PLPPR1: variants seen among roughly 807,000 people sequenced by gnomAD.
PLPPR1 encodes the protein phospholipid phosphatase-related protein type 1.
Under a neutral mutation model 33.1 loss-of-function variants are expected in PLPPR1, and 10 were observed. That is an observed-to-expected ratio of 0.30 (90% confidence interval 0.19 to 0.51). PLPPR1 has a LOEUF of 0.51. PLPPR1 is among the 20% of genes least tolerant of loss of function. The pLI, the probability that PLPPR1 is intolerant of heterozygous loss-of-function variation, is 0.97. For synonymous variants in PLPPR1, 151 were observed against 151.0 expected, an observed-to-expected ratio of 1.00 and a Z score of 0.00; for missense variants, 304 against 408.1, an observed-to-expected ratio of 0.74 and a Z score of 2.20.
intron 2 of PLPPR1, among the ~76,000 whole-genome samples, chr9:101,261,683 C>A (rs1375425249): frequency 2.0e-5 from 3 of 152,110 alleles, no homozygotes; most frequent in Admixed American, 2.0e-4. Context: ...AGAATGAGAT[C>A]ATGTCCTTCG....
intron 1 of PLPPR1, among the ~76,000 whole-genome samples, chr9:101,153,193 CTCTG>C (rs991985671): frequency 2.5e-4 from 38 of 152,110 alleles, no homozygotes; most frequent in African/African-American, 6.0e-4. Flanking sequence ...TGATTTGGCT[CTCTG>C]TCTGTTACTG....
chr9:101,267,674 A>T (rs749620580), intron 2 of PLPPR1, among the ~76,000 whole-genome samples: 11 of 152,236 alleles, frequency 7.2e-5, no homozygotes, highest in Non-Finnish European at 1.3e-4. Flanking sequence ...ATGTAGCTAA[A>T]AGGTAAACAC....
chr9:101,076,327 A>G (rs1180814440), intron 1 of PLPPR1, among the ~76,000 whole-genome samples: 1 of 152,134 alleles, frequency 6.6e-6, no homozygotes, highest in Non-Finnish European at 1.5e-5. Flanking sequence ...GACTGAAATA[A>G]TGTGACTCTG....
Position 101,237,979 on chromosome 9 carries a change from C to CTATATATATATATA in PLPPR1, c.64-31889_64-31876dup, listed in dbSNP as rs367867610. ...TACACACACACACAGGCTATATAGCCTATATATATATATATATATATATAT... is the reference window on the plus strand; with the variant it reads ...TACACACACACACAGGCTATATAGCCTATATATATATATATATATATATATATATATATATATAT... On this transcript the variant is annotated intron_variant, in intron 2 of 7. Coordinates refer to ENST00000374874, the MANE Select transcript of PLPPR1 (RefSeq NM_207299.2). 4.2e-3 allele frequency among the ~76,000 whole-genome samples: 337 copies of CTATATATATATATA among 79,356 alleles called. 3 individuals are homozygous for CTATATATATATATA. Among genetic ancestry groups the CTATATATATATATA allele is most frequent in the Middle Eastern group, 0.018 (1 of 56 alleles). The allele number at this position is 79,356 out of a possible 152,430, so 52.1% of individuals were successfully genotyped here. A position where few individuals can be genotyped will look rare whatever the true frequency, so the allele number is the denominator to read the frequency against.
At chr9:101,303,232 C>A (rs1828785804) in intron 4 of PLPPR1, among the ~76,000 whole-genome samples, 1 of 152,132 alleles carries the variant, frequency 6.6e-6, no homozygotes. Context: ...GATCCACCCA[C>A]CTCTGCCTCC....
At chr9:101,176,349 A>G (rs1034432378) in intron 1 of PLPPR1, among the ~76,000 whole-genome samples, 1 of 151,826 alleles carries the variant, frequency 6.6e-6, no homozygotes, top group Non-Finnish European at 1.5e-5. Context: ...CTTGATGAGC[A>G]ATGAGTATCT....
chr9:101,213,723 A>G (rs542929617), intron 2 of PLPPR1, among the ~76,000 whole-genome samples: 8 of 152,268 alleles, frequency 5.3e-5, no homozygotes, highest in African/African-American at 1.7e-4. Flanking sequence ...CATATTGCCA[A>G]TCAGATTCTA....
intron 1 of PLPPR1, among the ~76,000 whole-genome samples, chr9:101,031,800 G>A (rs1050745820): frequency 6.6e-5 from 10 of 152,152 alleles, no homozygotes; most frequent in Admixed American, 2.6e-4. Flanking sequence ...TCCAGGCAGA[G>A]GAAATACTTG....
intron 2 of PLPPR1, among the ~76,000 whole-genome samples, chr9:101,233,340 A>G (rs1430072519): frequency 6.6e-6 from 1 of 151,976 alleles, no homozygotes; most frequent in Non-Finnish European, 1.5e-5. Context: ...AAAATGGAAT[A>G]ATGTTTACAA....
intron 2 of PLPPR1, among the ~76,000 whole-genome samples, chr9:101,218,102 T>C (rs953550075): frequency 1.3e-5 from 2 of 152,138 alleles, no homozygotes; most frequent in African/African-American, 2.4e-5. Flanking sequence ...AAATATCATA[T>C]AACACAAGTA....
chr9:101,068,645 C>T (rs1243517126), intron 1 of PLPPR1, among the ~76,000 whole-genome samples: 2 of 151,738 alleles, frequency 1.3e-5, no homozygotes, highest in South Asian at 2.1e-4. Flanking sequence ...AACCTAGCCT[C>T]CCTGAGTCTA....
rs191398908 is a variant in PLPPR1 at position 101,125,756 on chromosome 9, A to G, written c.-45-59694A>G. 117 of 862,506 alleles carry G rather than the reference A, an allele frequency of 1.4e-4. 1 individual carries two copies. The African/African-American group carries it at 1.8e-3, about 13-fold the overall frequency. 53.4% of individuals were successfully genotyped at this position (862,506 alleles called of 1,614,324 possible). A position where few individuals can be genotyped will look rare whatever the true frequency, so the allele number is the denominator to read the frequency against. Reference sequence around the variant, plus strand: ...GAATTTGTGGTTATAATTGATGACCACTGATTTCACTTCAGAAAGTCCAAA... The same window carrying G: ...GAATTTGTGGTTATAATTGATGACCGCTGATTTCACTTCAGAAAGTCCAAA... On this transcript the variant is annotated intron_variant, in intron 1 of 7. Coordinates refer to ENST00000374874, the MANE Select transcript of PLPPR1 (RefSeq NM_207299.2).
rs545023731 is a variant in PLPPR1 at position 101,208,592 on chromosome 9, G to A, written c.63+23035G>A. On this transcript the variant is annotated intron_variant, in intron 2 of 7. Coordinates refer to ENST00000374874, the MANE Select transcript of PLPPR1 (RefSeq NM_207299.2). ...TTGCTTAGTCTCAGCAAATGTGCCT[G>A]TTATTAGTTCAGATTAGTTTTGCCA... 3.3e-5 allele frequency among the ~76,000 whole-genome samples: 5 copies of A among 152,030 alleles called. No homozygotes were observed. In the South Asian group the frequency reaches 8.3e-4, roughly 25 times the overall value.
intron 1 of PLPPR1, among the ~76,000 whole-genome samples, chr9:101,075,553 T>A (rs570154367): frequency 6.6e-6 from 1 of 152,236 alleles, no homozygotes; most frequent in South Asian, 2.1e-4. Context: ...CAAGGTAGAG[T>A]CATTTGGTGC....
intron 6 of PLPPR1, among the ~76,000 whole-genome samples, chr9:101,316,616 C>CAAAAAAAAAGAAAAAAAAAAAAAAA (rs1829054850): frequency 1.2e-5 from 1 of 82,596 alleles, no homozygotes; most frequent in African/African-American, 5.8e-5. Flanking sequence ...TCTTCTTGGG[C>CAAAAAAAAAGAAAAAAAAAAAAAAA]AAAAAAAAAA....
chr9:101,208,963 G>T (rs1826636440), intron 2 of PLPPR1, among the ~76,000 whole-genome samples: 1 of 152,144 alleles, frequency 6.6e-6, no homozygotes, highest in Admixed American at 6.5e-5. Context: ...CATGTGGAGT[G>T]TATTGGGCAA....
At chr9:101,131,358 T>A (rs1180196124) in intron 1 of PLPPR1, among the ~76,000 whole-genome samples, 1 of 152,190 alleles carries the variant, frequency 6.6e-6, no homozygotes, top group African/African-American at 2.4e-5. Flanking sequence ...GCAGTATTTT[T>A]GTTTAAAAGT....
intron 2 of PLPPR1, among the ~76,000 whole-genome samples, chr9:101,188,629 G>A (rs1332329547): frequency 2.6e-5 from 4 of 151,946 alleles, no homozygotes; most frequent in African/African-American, 7.3e-5. Context: ...ATGAATAAAC[G>A]TGGATTTTTA....
intron 1 of PLPPR1, among the ~76,000 whole-genome samples, chr9:101,137,634 G>T (rs1831393099): frequency 6.6e-6 from 1 of 152,090 alleles, no homozygotes; most frequent in Non-Finnish European, 1.5e-5. Context: ...CCTGCATACT[G>T]GACATGGCAG....
Sources: allele counts gnomAD v4.1 joint callset (sites outside exome capture counted in the v4.1 genomes callset), GRCh38; gene constraint gnomAD v4.1.1; transcripts MANE v1.5; gene names NCBI Gene and HGNC (gene_info 2026-07-23, HGNC 2026-07-21).